The following RNF13 variants were observed in gnomAD, a reference collection of about 807,000 sequenced individuals.
RNF13 encodes E3 ubiquitin-protein ligase RNF13.
In RNF13, 19 loss-of-function variants were observed where a neutral mutation model predicts 37.7. That is an observed-to-expected ratio of 0.50 (90% CI 0.35 to 0.74). RNF13 has a LOEUF of 0.74. Among genes scored for constraint, RNF13 ranks in the 30% least tolerant of loss-of-function variants. The pLI, the probability that RNF13 is intolerant of heterozygous loss-of-function variation, is 0.01. For synonymous variants in RNF13, 144 were observed against 157.8 expected (o/e 0.91, Z 0.65); for missense variants, 375 against 453.0 (o/e 0.83, Z 1.56).
intron 7 of RNF13, among the ~76,000 whole-genome samples, chr3:149,915,481 G>A (rs1227961031): frequency 1.3e-5 from 2 of 152,002 alleles, no homozygotes; most frequent in African/African-American, 4.8e-5. Flanking sequence ...ACATGGATCT[G>A]GTAATTCCAC....
intron 3 of RNF13, among the ~76,000 whole-genome samples, chr3:149,867,982 A>G (rs1432472268): frequency 1.3e-5 from 2 of 151,904 alleles, no homozygotes; most frequent in Admixed American, 1.3e-4. Context: ...AAGCCATCTT[A>G]TAACAAGTAA....
intron 8 of RNF13, among the ~76,000 whole-genome samples, chr3:149,935,538 G>A (rs891780095): frequency 5.3e-5 from 8 of 151,030 alleles, no homozygotes; most frequent in Non-Finnish European, 1.0e-4. Flanking sequence ...TTTATTTTTA[G>A]TGTTACCTAT....
intron 8 of RNF13, among the ~76,000 whole-genome samples, chr3:149,940,929 T>C (rs527298815): frequency 1.3e-5 from 2 of 152,334 alleles, no homozygotes; most frequent in East Asian, 1.9e-4. Flanking sequence ...ATACTTCATA[T>C]GAGTGGACTG....
rs567517250 is a variant in RNF13 at position 149,937,610 on chromosome 3, A to G, written c.700+16383A>G. Among the ~76,000 whole-genome samples, 123 of 152,178 alleles carry G rather than the reference A, an allele frequency of 8.1e-4. 2 individuals are homozygous for G. The highest frequency in any genetic ancestry group is 6.5e-3 in the Admixed American group (100 of 15,280). On this transcript the variant is annotated intron_variant, in intron 8 of 9. Coordinates refer to ENST00000392894, the MANE Select transcript of RNF13 (RefSeq NM_183381.3). ...ATCACTGCATTTTACAAATTTTGATATGTTGTATTTTTATTTTCACTTAGC... is the reference window on the plus strand; with the variant it reads ...ATCACTGCATTTTACAAATTTTGATGTGTTGTATTTTTATTTTCACTTAGC...
intron 4 of RNF13, 29 bp from the exon 5 acceptor site, chr3:149,895,441 CATA>C: frequency 8.7e-7 from 1 of 1,151,948 alleles, no homozygotes; most frequent in Admixed American, 2.6e-5. Context: ...TTCCTTATAA[CATA>C]ATTTTTTTTT....
chr3:149,881,962 C>T (rs1467119564), intron 4 of RNF13, among the ~76,000 whole-genome samples: 1 of 152,028 alleles, frequency 6.6e-6, no homozygotes, highest in Non-Finnish European at 1.5e-5. Context: ...AATTCTTATG[C>T]ACTTAATTTT....
In RNF13 at chr3:149,961,384, T is replaced by C. The variant is rs1722409983; in HGVS notation, c.*280T>C. On this transcript the variant is annotated 3_prime_UTR_variant, in exon 10 of 10. Transcript: ENST00000392894. ...CATAAAAAAAAAAAAATCCTCAGTA[T>C]AGCTTGCAATTAAGACCTAGATCAC... 3 of 559,808 alleles carry C rather than the reference T, an allele frequency of 5.4e-6. No individual in the cohort carries two copies. The highest frequency in any genetic ancestry group is 2.8e-4 in the Middle Eastern group (1 of 3,634). The allele number at this position is 559,808 out of a possible 1,614,324, so 34.7% of individuals were successfully genotyped here.
chr3:149,824,853 TACATGTGCAGGTTTGTTATATAGGTAA>T (rs1008471921), intron 1 of RNF13, among the ~76,000 whole-genome samples: 1 of 151,480 alleles, frequency 6.6e-6, no homozygotes, highest in Non-Finnish European at 1.5e-5. Context: ...AGTTCAGGAG[TACATGTGCAGGTTTGTTATATAGGTAA>T]ACTTGTGTCA....
At chr3:149,890,491 T>C (rs912591235) in intron 4 of RNF13, among the ~76,000 whole-genome samples, 3 of 152,202 alleles carry the variant, frequency 2.0e-5, no homozygotes, top group Non-Finnish European at 4.4e-5. Context: ...GTTTAAGCAC[T>C]GTTTTAAGTG....
intron 8 of RNF13, among the ~76,000 whole-genome samples, chr3:149,926,715 A>G (rs1191965634): frequency 6.6e-6 from 1 of 152,186 alleles, no homozygotes; most frequent in Non-Finnish European, 1.5e-5. Context: ...TATTGAAAAT[A>G]CACTGTTCTG....
intron 5 of RNF13, among the ~76,000 whole-genome samples, chr3:149,897,618 A>G (rs1052351623): frequency 2.0e-5 from 3 of 152,160 alleles, no homozygotes; most frequent in African/African-American, 7.2e-5. Flanking sequence ...ATTATTTTCT[A>G]TGATATTTTG....
At chr3:149,859,508 CAG>C (rs941005541) in intron 3 of RNF13, among the ~76,000 whole-genome samples, 9 of 151,700 alleles carry the variant, frequency 5.9e-5, no homozygotes, top group African/African-American at 2.2e-4. Context: ...CACACACACA[CAG>C]AGGAAGTCAA....
chr3:149,935,400 C>A (rs2108566474), intron 8 of RNF13, among the ~76,000 whole-genome samples: 1 of 152,132 alleles, frequency 6.6e-6, no homozygotes, highest in Admixed American at 6.5e-5. Context: ...AGAACTTCCT[C>A]CTGTCATTTT....
intron 4 of RNF13, among the ~76,000 whole-genome samples, chr3:149,891,723 A>G (rs1714722545): frequency 6.6e-6 from 1 of 152,036 alleles, no homozygotes; most frequent in Non-Finnish European, 1.5e-5. Context: ...GCTGTTTTGG[A>G]TTTAGATTTG....
intron 1 of RNF13, among the ~76,000 whole-genome samples, chr3:149,826,006 T>A (rs73870437): frequency 0.027 from 4,040 of 152,316 alleles, 69 homozygotes; most frequent in South Asian, 0.037. Context: ...TAATCATTTA[T>A]ATTGAATACC....
intron 3 of RNF13, among the ~76,000 whole-genome samples, chr3:149,854,333 T>G (rs1032031752): frequency 6.6e-6 from 1 of 152,212 alleles, no homozygotes; most frequent in Non-Finnish European, 1.5e-5. Context: ...CTTACCTATA[T>G]GTAGCAGTCA....
chr3:149,815,647 A>G (rs557436679), intron 1 of RNF13, among the ~76,000 whole-genome samples: 23 of 152,248 alleles, frequency 1.5e-4, no homozygotes, highest in Non-Finnish European at 3.4e-4. Flanking sequence ...TATGTATTCT[A>G]TAGATATTTA....
intron 7 of RNF13, among the ~76,000 whole-genome samples, chr3:149,916,495 G>A (rs938256939): frequency 1.1e-4 from 17 of 152,056 alleles, no homozygotes; most frequent in African/African-American, 3.9e-4. Context: ...AAACAAAATC[G>A]GTAAAAATCC....
chr3:149,844,509 A>G (rs1722462876), intron 1 of RNF13, among the ~76,000 whole-genome samples: 1 of 152,224 alleles, frequency 6.6e-6, no homozygotes, highest in African/African-American at 2.4e-5. Context: ...TCTAGATCCT[A>G]GAAGGAAAAC....
Sources: allele counts gnomAD v4.1 joint callset (sites outside exome capture counted in the v4.1 genomes callset), GRCh38; gene constraint gnomAD v4.1.1; transcripts MANE v1.5; gene names NCBI Gene and HGNC (gene_info 2026-07-23, HGNC 2026-07-21).